CLCN6: variants seen among roughly 807,000 people sequenced by gnomAD.
CLCN6 encodes the protein Cl-/H+ antiporter 6.
CLCN6 carries 70 observed loss-of-function variants against 109.8 expected under a neutral mutation model. That is an observed-to-expected ratio of 0.64 (90% CI 0.53 to 0.78). CLCN6 has a LOEUF of 0.78. CLCN6 is among the 30% of genes least tolerant of loss of function. The probability of loss-of-function intolerance (pLI) is 0.00; values close to 1 mark genes in which losing one functional copy is unlikely to be tolerated. For missense variants in CLCN6, 984 were observed against 1,142.3 expected, an observed-to-expected ratio of 0.86 and a Z score of 2.00; for synonymous variants, 444 against 447.8, an observed-to-expected ratio of 0.99 and a Z score of 0.11.
At chr1:11,822,634 C>A in intron 5 of CLCN6, 61 bp from the exon 6 acceptor site, 2 of 980,006 alleles carry the variant, frequency 2.0e-6, no homozygotes, top group Non-Finnish European at 3.3e-6. Flanking sequence ...TGCACCCTCT[C>A]AAGTGATGAC....
rs1272537905 is a variant in CLCN6, at chr1:11,823,763, G to C, written c.510G>C (p.Lys170Asn). The C allele has an allele frequency of 6.8e-6, 11 of 1,614,176 alleles. No individual in the cohort carries two copies. The Admixed American group carries it at 1.7e-4, about 24-fold the overall frequency. ...TCAAATGCTATCTGAATGGCGTAAA[G>C]GTGCCAGGAATCGTCCGTCTCCGGA... Reference protein sequence around the residue: ...PEVKCYLNGVKVPGIVRLRTL... With the variant: ...PEVKCYLNGVNVPGIVRLRTL... Residue 170 changes from lysine (K) to asparagine (N), a missense_variant, in exon 7 of 23, where the codon AAG becomes AAC. Transcript: ENST00000346436.
At chr1:11,816,050 A>G in intron 3 of CLCN6, 139 bp downstream of exon 3, 1 of 655,922 alleles carries the variant, frequency 1.5e-6, no homozygotes, top group East Asian at 2.8e-5. Flanking sequence ...ACCTCACTTT[A>G]TGCGCTTTGC....
chr1:11,813,127 G>A (rs754803435), intron 2 of CLCN6, among the ~76,000 whole-genome samples: 2 of 152,106 alleles, frequency 1.3e-5, no homozygotes, highest in African/African-American at 4.8e-5. Flanking sequence ...GTATAGAAGC[G>A]TCTGTACCTC....
At chr1:11,811,671 T>G (rs116422234) in intron 2 of CLCN6, among the ~76,000 whole-genome samples, 28 of 152,222 alleles carry the variant, frequency 1.8e-4, no homozygotes, top group Middle Eastern at 3.4e-3. Context: ...CGTGAGCCAC[T>G]GCGCCCAGCT....
chr1:11,831,948 C>A (rs948375975), intron 13 of CLCN6, among the ~76,000 whole-genome samples: 6 of 152,216 alleles, frequency 3.9e-5, no homozygotes, highest in Non-Finnish European at 5.9e-5. Flanking sequence ...ATTATAGACA[C>A]AAGCCATAGC....
At chr1:11,810,066 G>C (rs1644578784) in intron 2 of CLCN6, among the ~76,000 whole-genome samples, 1 of 152,220 alleles carries the variant, frequency 6.6e-6, no homozygotes, top group Non-Finnish European at 1.5e-5. Context: ...AGGATATTTA[G>C]TAAGGTATTA....
intron 11 of CLCN6, 63 bp downstream of exon 11, chr1:11,828,282 A>C: frequency 1.3e-6 from 2 of 1,496,078 alleles, no homozygotes; most frequent in Non-Finnish European, 1.9e-6. Context: ...TCTCAAGTGA[A>C]GGACCAGAGA....
Position 11,837,511 on chromosome 1 carries a change from C to T in CLCN6, c.2295+12C>T, listed in dbSNP as rs768376049. ...CTGAAAGCCAGTCGGTAAGTCTCTC[C>T]GAGGCAGAAATCAGCCAGGCCAGAC... On this transcript the variant is annotated intron_variant, in intron 20 of 22. Transcript: ENST00000346436. 3.7e-5 allele frequency: 60 copies of T among 1,610,810 alleles called. No homozygotes were observed. Among genetic ancestry groups the T allele is most frequent in the Non-Finnish European group, 4.2e-5 (50 of 1,177,470 alleles).
intron 8 of CLCN6, among the ~76,000 whole-genome samples, 186 bp downstream of exon 8, chr1:11,824,739 C>T (rs1490701249): frequency 6.6e-6 from 1 of 152,162 alleles, no homozygotes; most frequent in East Asian, 1.9e-4. Context: ...TTTAATGATG[C>T]CCTACCGAGC....
chr1:11,812,461 C>A, intron 2 of CLCN6, among the ~76,000 whole-genome samples: 1 of 152,142 alleles, frequency 6.6e-6, no homozygotes, highest in Non-Finnish European at 1.5e-5. Flanking sequence ...TGATTGATTA[C>A]ATCACCAGCC....
intron 2 of CLCN6, among the ~76,000 whole-genome samples, chr1:11,809,956 A>G (rs897979803): frequency 2.0e-5 from 3 of 152,208 alleles, no homozygotes; most frequent in African/African-American, 7.2e-5. Flanking sequence ...GAGGGGAGTG[A>G]GTGGGACAGG....
At chr1:11,828,402 C>G in intron 11 of CLCN6, 56 bp from the exon 12 acceptor site, 1 of 1,601,618 alleles carries the variant, frequency 6.2e-7, no homozygotes, top group African/African-American at 1.3e-5. Flanking sequence ...TCTGTCTCTT[C>G]CGGTTCTCAT....
At chr1:11,812,104 A>G (rs779823902) in intron 2 of CLCN6, among the ~76,000 whole-genome samples, 4 of 150,802 alleles carry the variant, frequency 2.7e-5, no homozygotes, top group Non-Finnish European at 5.9e-5. Flanking sequence ...ACAGAGAAAG[A>G]CCCCATCTCA....
intron 8 of CLCN6, among the ~76,000 whole-genome samples, chr1:11,825,953 G>A (rs1385669815): frequency 1.3e-5 from 2 of 152,138 alleles, no homozygotes; most frequent in Non-Finnish European, 2.9e-5. Flanking sequence ...CCAAGTTGCT[G>A]TTCTGGACTT....
rs529276254 is a variant in CLCN6, at chr1:11,837,529, G to A, written c.2295+30G>A. ...GTCTCTCCGAGGCAGAAATCAGCCA[G>A]GCCAGACCTGACGAAGCTCGAGGGG... is the stretch of plus-strand genomic sequence containing the variant. On this transcript the variant is annotated intron_variant, in intron 20 of 22. Coordinates refer to ENST00000346436, the MANE Select transcript of CLCN6 (RefSeq NM_001286.5). The A allele has an allele frequency of 2.0e-5, 32 of 1,603,460 alleles. 1 individual carries two copies. The South Asian group carries it at 3.4e-4, about 17-fold the overall frequency.
intron 3 of CLCN6, among the ~76,000 whole-genome samples, chr1:11,816,159 T>C (rs1315717895): frequency 6.6e-6 from 1 of 152,254 alleles, no homozygotes. Flanking sequence ...ATGCATTTTG[T>C]TTGCATTTTT....
At chr1:11,839,710 G>A (rs1644995315) in intron 22 of CLCN6, among the ~76,000 whole-genome samples, 1 of 152,252 alleles carries the variant, frequency 6.6e-6, no homozygotes, top group Admixed American at 6.5e-5. Context: ...TGGCTTTGGA[G>A]TTCCCAACAA....
rs572961961 is a variant in CLCN6, at chr1:11,832,262, G to A, written c.1249-1253G>A. On this transcript the variant is annotated intron_variant, in intron 13 of 22. Coordinates refer to ENST00000346436, the MANE Select transcript of CLCN6 (RefSeq NM_001286.5). ...CACAAAATGAAATATCCTTCTCAACGTCACTAGAGAGTGGCAGAGTTTAGA... is the reference window on the plus strand; with the variant it reads ...CACAAAATGAAATATCCTTCTCAACATCACTAGAGAGTGGCAGAGTTTAGA... 1.1e-4 allele frequency among the ~76,000 whole-genome samples: 17 copies of A among 152,310 alleles called. 1 individual carries two copies. Among genetic ancestry groups the A allele is most frequent in the Admixed American group, 9.8e-4 (15 of 15,296 alleles).
chr1:11,826,942 AGG>A, intron 9 of CLCN6, 145 bp from the exon 10 acceptor site: 2 of 936,354 alleles, frequency 2.1e-6, no homozygotes, highest in South Asian at 1.7e-5. Context: ...CTCGCGGCAA[AGG>A]CTGCCTCACC....
Sources: allele counts gnomAD v4.1 joint callset (sites outside exome capture counted in the v4.1 genomes callset), GRCh38; gene constraint gnomAD v4.1.1; transcripts MANE v1.5; gene names NCBI Gene and HGNC (gene_info 2026-07-23, HGNC 2026-07-21).